Variants in TFG observed in about 807,000 individuals in gnomAD.
TFG encodes protein TFG.
A neutral mutation model predicts 51.4 loss-of-function variants in TFG; 22 were observed. That is an observed-to-expected ratio of 0.43 (90% CI 0.31 to 0.61). The LOEUF is 0.61. TFG is among the 20% of genes least tolerant of loss of function. The pLI is 0.12. For synonymous variants in TFG, 187 were observed against 165.6 expected, an observed-to-expected ratio of 1.13 and a Z score of -0.99; for missense variants, 419 against 487.7, an observed-to-expected ratio of 0.86 and a Z score of 1.33.
At chr3:100,714,508 A>G (rs1034272623) in intron 2 of TFG, among the ~76,000 whole-genome samples, 1 of 152,188 alleles carries the variant, frequency 6.6e-6, no homozygotes, top group Admixed American at 6.5e-5. Flanking sequence ...TCAAAAAAAA[A>G]AAAATAGCTA....
Position 100,713,714 on chromosome 3 carries a change from A to T in TFG, c.29A>T (p.Lys10Met). ...AACGGACAGTTGGATCTAAGTGGGA[A>T]GCTAATCATCAAAGCTCAACTTGGG... MNGQLDLSG[K>M]LIIKAQLGED... Residue 10 changes from lysine (K) to methionine (M), a missense_variant, in exon 2 of 8, where the codon AAG becomes ATG. Physicochemically the swap from Lys to Met is moderately conservative, Grantham distance 95 (BLOSUM62 -1). Coordinates refer to ENST00000240851, the MANE Select transcript of TFG (RefSeq NM_006070.6). 1 of 1,609,326 alleles carries T rather than the reference A, an allele frequency of 6.2e-7. No individual in the cohort carries two copies. Among genetic ancestry groups the T allele is most frequent in the Non-Finnish European group, 8.5e-7 (1 of 1,176,886 alleles).
chr3:100,731,036 G>A (rs189196153), intron 4 of TFG, among the ~76,000 whole-genome samples: 5 of 152,298 alleles, frequency 3.3e-5, no homozygotes, highest in Non-Finnish European at 7.4e-5. Context: ...AGGGTAGCCT[G>A]GAATGGTATG....
intron 5 of TFG, among the ~76,000 whole-genome samples, chr3:100,733,787 TTAACA>T (rs2095098331): frequency 1.3e-5 from 2 of 152,220 alleles, no homozygotes; most frequent in African/African-American, 2.4e-5. Context: ...TTGTATGGAC[TTAACA>T]TAAATAACAA....
chr3:100,746,887 T>A (rs1339878969), intron 7 of TFG, among the ~76,000 whole-genome samples: 1 of 152,204 alleles, frequency 6.6e-6, no homozygotes, highest in Non-Finnish European at 1.5e-5. Context: ...TAGTGAAAAT[T>A]TAAGTTTTAT....
At chr3:100,743,193 C>T (rs1373351520) in intron 6 of TFG, 1 of 152,096 alleles carries the variant, frequency 6.6e-6, no homozygotes, top group Non-Finnish European at 1.5e-5. Context: ...CTTAATTTTT[C>T]TGTATCTGAG....
At chr3:100,734,446 T>A (rs998603799) in intron 5 of TFG, among the ~76,000 whole-genome samples, 1 of 152,176 alleles carries the variant, frequency 6.6e-6, no homozygotes, top group Admixed American at 6.5e-5. Flanking sequence ...GGGATTTTCC[T>A]CCTAAATCTT....
chr3:100,746,812 G>A (rs1311885041), intron 7 of TFG, among the ~76,000 whole-genome samples: 4 of 151,690 alleles, frequency 2.6e-5, no homozygotes, highest in Admixed American at 6.6e-5. Flanking sequence ...CTTTTTTCTC[G>A]CAGTGTTAAA....
chr3:100,713,850 A>C lies in TFG; in HGVS notation c.165A>C (p.Thr55=). The change falls in exon 2 of 8, where the codon ACA becomes ACC. Residue 55 remains threonine (T), a synonymous_variant. Transcript: ENST00000240851. ...AACTTCTGAGTAATGATGAAGTAAC[A>C]ATAAAGTATAAAGATGAAGGTAAGA... The part of the protein sequence containing the change: ...RGKLLSNDEV[T]IKYKDEDGDL... 3 of 1,560,750 alleles carry C rather than the reference A, an allele frequency of 1.9e-6. No homozygotes were observed. The highest frequency in any genetic ancestry group is 2.6e-6 in the Non-Finnish European group (3 of 1,143,258).
chr3:100,744,182 T>A (rs1399940243), intron 6 of TFG: 1 of 152,220 alleles, frequency 6.6e-6, no homozygotes, highest in African/African-American at 2.4e-5. Flanking sequence ...AGGACTCCCA[T>A]GTTCAAGAAC....
intron 6 of TFG, among the ~76,000 whole-genome samples, chr3:100,737,892 A>G (rs2095110920): frequency 6.6e-6 from 1 of 152,028 alleles, no homozygotes; most frequent in African/African-American, 2.4e-5. Flanking sequence ...CTACAAAATA[A>G]AAAAAGATTT....
intron 7 of TFG, among the ~76,000 whole-genome samples, chr3:100,746,455 A>G (rs2095135143): frequency 6.6e-6 from 1 of 152,046 alleles, no homozygotes; most frequent in Admixed American, 6.5e-5. Flanking sequence ...GCATTCTACA[A>G]CCTAGACTGG....
rs761080881 is a variant in TFG, at chr3:100,748,771, C to A, written c.*240C>A. The A allele has an allele frequency of 6.2e-6, 3 of 483,090 alleles. No homozygotes were observed. Among genetic ancestry groups the A allele is most frequent in the Non-Finnish European group, 1.1e-5 (3 of 274,182 alleles). The allele number at this position is 483,090 out of a possible 1,614,324, so 29.9% of individuals were successfully genotyped here. ...TAGTTACTTTGGAACACTACTCTTA[C>A]ATGTATAAAGTGATTGACTTGACTT... On this transcript the variant is annotated 3_prime_UTR_variant, in exon 8 of 8. Coordinates refer to ENST00000240851, the MANE Select transcript of TFG (RefSeq NM_006070.6).
upstream of TFG, chr3:100,709,290 T>TG (rs777228595): frequency 6.6e-6 from 1 of 152,228 alleles, no homozygotes; most frequent in East Asian, 1.9e-4. Flanking sequence ...CGGAAGTGCG[T>TG]GGTCACGCCC....
intron 6 of TFG, chr3:100,742,433 A>G: frequency 6.6e-6 from 1 of 152,220 alleles, no homozygotes; most frequent in East Asian, 1.9e-4. Context: ...CAAATAAGAT[A>G]ATGATTTATG....
Position 100,748,453 on chromosome 3 carries a change from A to T in TFG, c.1125A>T (p.Pro375=). The change falls in exon 8 of 8, where the codon CCA becomes CCT. Residue 375 remains proline, a synonymous_variant. Transcript: ENST00000240851. ...CTGGAAGTACCATGACCCCTCCTCC[A>T]AGTGGGCCTAATCCTTATGCGCGTA... ...SLPGSTMTPP[P]SGPNPYARNR... is the part of the protein sequence containing the mutation. 1 of 1,614,026 alleles carries T rather than the reference A, an allele frequency of 6.2e-7. No individual in the cohort carries two copies. The highest frequency in any genetic ancestry group is 1.3e-5 in the African/African-American group (1 of 75,002).
At chr3:100,721,014 A>C (rs2095059412) in intron 3 of TFG, among the ~76,000 whole-genome samples, 1 of 152,132 alleles carries the variant, frequency 6.6e-6, no homozygotes, top group African/African-American at 2.4e-5. Flanking sequence ...TTTAATTTGT[A>C]TCTATTTCAT....
intron 3 of TFG, among the ~76,000 whole-genome samples, chr3:100,723,717 A>T (rs906551437): frequency 6.6e-6 from 1 of 152,198 alleles, no homozygotes; most frequent in Non-Finnish European, 1.5e-5. Context: ...TTCCCCTAAG[A>T]AAAATTGACA....
intron 2 of TFG, among the ~76,000 whole-genome samples, chr3:100,719,446 A>AT (rs2095054927): frequency 2.0e-5 from 3 of 152,138 alleles, no homozygotes; most frequent in Non-Finnish European, 4.4e-5. Context: ...ATATATAAAT[A>AT]TTTTTCTGGG....
intron 2 of TFG, among the ~76,000 whole-genome samples, chr3:100,718,708 C>T (rs571508198): frequency 2.0e-4 from 31 of 152,120 alleles, no homozygotes; most frequent in Non-Finnish European, 3.4e-4. Context: ...TAGGCACACA[C>T]CACCACACTC....
Sources: allele counts gnomAD v4.1 joint callset (sites outside exome capture counted in the v4.1 genomes callset), GRCh38; gene constraint gnomAD v4.1.1; transcripts MANE v1.5; gene names NCBI Gene and HGNC (gene_info 2026-07-23, HGNC 2026-07-21).